MLXIP: variants seen among roughly 807,000 people sequenced by gnomAD.
The protein encoded by MLXIP is MLX-interacting protein.
MLXIP carries 30 observed loss-of-function variants against 87.2 expected under a neutral mutation model. The ratio of observed to expected loss-of-function variants is 0.34; its 90% CI spans 0.26 to 0.47. The LOEUF (loss-of-function observed/expected upper bound fraction) is 0.47. MLXIP is among the 20% of genes least tolerant of loss of function. MLXIP has a pLI of 1.00. For synonymous variants in MLXIP, 530 were observed against 514.0 expected (o/e 1.03, Z -0.42); for missense variants, 1,002 against 1,240.1 (o/e 0.81, Z 2.88).
At chr12:122,095,306 G>A (rs887610524) in intron 1 of MLXIP, among the ~76,000 whole-genome samples, 18 of 151,314 alleles carry the variant, frequency 1.2e-4, no homozygotes, top group African/African-American at 3.9e-4. Flanking sequence ...GTGGGGGGGT[G>A]TGTGTTTGCA....
chr12:122,116,290 T>A (rs970645358), intron 1 of MLXIP, among the ~76,000 whole-genome samples: 10 of 151,992 alleles, frequency 6.6e-5, no homozygotes, highest in South Asian at 4.2e-4. Context: ...AGTTTTTTTT[T>A]AATTTTATTA....
chr12:122,097,421 T>C (rs1409300561), intron 1 of MLXIP, among the ~76,000 whole-genome samples: 1 of 151,980 alleles, frequency 6.6e-6, no homozygotes, highest in African/African-American at 2.4e-5. Context: ...AGGAGTTCCA[T>C]ATCATCCTGG....
chr12:122,103,342 A>C (rs998377047), intron 1 of MLXIP, among the ~76,000 whole-genome samples: 2 of 151,160 alleles, frequency 1.3e-5, no homozygotes, highest in Non-Finnish European at 2.9e-5. Context: ...CTCTTGCTTC[A>C]ATCTCCTAAG....
At chr12:122,134,677 C>CTT (rs141853208) in intron 9 of MLXIP, 138 of 132,194 alleles carry the variant, frequency 1.0e-3, no homozygotes, top group East Asian at 3.1e-3. Context: ...TCTCTATTCT[C>CTT]TTTTTTTTTT....
rs188019370 is a variant in MLXIP, at chr12:122,084,979, C to T, written c.413+5713C>T. Among the ~76,000 whole-genome samples the T allele has an allele frequency of 3.2e-4, 48 of 152,150 alleles. 1 individual carries two copies. The highest frequency in any genetic ancestry group is 1.0e-3 in the African/African-American group (43 of 41,538). On this transcript the variant is annotated intron_variant, in intron 1 of 16. Transcript: ENST00000319080. Reference sequence around the variant, plus strand: ...CTCAGACGTTAATTAGCTGTGTTACCGAGAGGTTACACAACTTGTCCACGG... The same window carrying T: ...CTCAGACGTTAATTAGCTGTGTTACTGAGAGGTTACACAACTTGTCCACGG...
chr12:122,081,049 G>C (rs1019792736), intron 1 of MLXIP, among the ~76,000 whole-genome samples: 13 of 151,960 alleles, frequency 8.6e-5, no homozygotes, highest in Admixed American at 7.9e-4. Flanking sequence ...TAACCTAAAG[G>C]CTTATTAAAC....
chr12:122,117,626 G>C (rs181637521), intron 1 of MLXIP, among the ~76,000 whole-genome samples: 225 of 152,320 alleles, frequency 1.5e-3, no homozygotes, highest in African/African-American at 5.1e-3. Flanking sequence ...CAATTAACTA[G>C]AAGCCCTAGA....
Position 122,137,897 on chromosome 12 carries a change from G to T in MLXIP, c.2155-297G>T, listed in dbSNP as rs1329399776. Among the ~76,000 whole-genome samples the T allele has an allele frequency of 6.6e-6, 1 of 152,254 alleles. No individual in the cohort carries two copies. The highest frequency in any genetic ancestry group is 2.4e-5 in the African/African-American group (1 of 41,478). On this transcript the variant is annotated intron_variant, in intron 12 of 16. Coordinates refer to ENST00000319080, the MANE Select transcript of MLXIP (RefSeq NM_014938.6). The surrounding 1 kb of genome is among the most constrained non-coding windows in gnomAD (Gnocchi z 4.1). ...GTGTGGCCACCACCAGAGCTGTGCT[G>T]TGGGGAGGAGGCAGGGCTGGGTGGG...
At chr12:122,118,113 C>T (rs1952719940) in intron 1 of MLXIP, among the ~76,000 whole-genome samples, 1 of 152,186 alleles carries the variant, frequency 6.6e-6, no homozygotes, top group African/African-American at 2.4e-5. Context: ...TGGATCTGAT[C>T]ACTGAGATGG....
chr12:122,139,994 G>A (rs540654840), intron 15 of MLXIP, among the ~76,000 whole-genome samples: 1 of 152,170 alleles, frequency 6.6e-6, no homozygotes, highest in South Asian at 2.1e-4. Flanking sequence ...GTTTTTAATT[G>A]AAGAGATGAC....
chr12:122,129,159 A>G lies in MLXIP; in HGVS notation c.629A>G (p.Tyr210Cys). 1 of 1,611,028 alleles carries G rather than the reference A, an allele frequency of 6.2e-7. No homozygotes were observed. The highest frequency in any genetic ancestry group is 8.5e-7 in the Non-Finnish European group (1 of 1,178,720). Residue 210 changes from tyrosine (Y) to cysteine (C), a missense_variant, in exon 4 of 17, where the codon TAC becomes TGC. Transcript: ENST00000319080. ...RPEAITTEGK[Y>C]WKSRIEIVIR... ...TAGGCCATCACCACGGAAGGGAAGT[A>G]CTGGAAGAGCCGCATCGAGATTGTG...
chr12:122,093,486 G>A (rs1952282002), intron 1 of MLXIP, among the ~76,000 whole-genome samples: 1 of 140,354 alleles, frequency 7.1e-6, no homozygotes, highest in Non-Finnish European at 1.5e-5. Context: ...TTGGTGTGTG[G>A]TGTGTGTGTG....
intron 1 of MLXIP, among the ~76,000 whole-genome samples, chr12:122,097,166 A>G (rs1022743600): frequency 6.6e-6 from 1 of 151,994 alleles, no homozygotes; most frequent in Non-Finnish European, 1.5e-5. Context: ...GACTTTGGTT[A>G]TGGGTGTTTT....
intron 1 of MLXIP, among the ~76,000 whole-genome samples, chr12:122,113,027 G>A (rs980147835): frequency 6.6e-6 from 1 of 152,186 alleles, no homozygotes; most frequent in Non-Finnish European, 1.5e-5. Flanking sequence ...GTTTATCACA[G>A]CATTGTTTAT....
intron 1 of MLXIP, among the ~76,000 whole-genome samples, chr12:122,114,497 C>G (rs1473844791): frequency 2.0e-5 from 3 of 152,192 alleles, no homozygotes; most frequent in African/African-American, 7.2e-5. Context: ...CCTTTAGTTT[C>G]TAGCCCCGCC....
chr12:122,082,128 C>T (rs934344093), intron 1 of MLXIP, among the ~76,000 whole-genome samples: 3 of 152,086 alleles, frequency 2.0e-5, no homozygotes, highest in Non-Finnish European at 4.4e-5. Flanking sequence ...GGTCTTTGCC[C>T]GGGGCTGACT....
intron 1 of MLXIP, among the ~76,000 whole-genome samples, chr12:122,105,109 A>C (rs1952499889): frequency 6.6e-6 from 1 of 152,164 alleles, no homozygotes; most frequent in South Asian, 2.1e-4. Flanking sequence ...ATGGGCGATC[A>C]CATCAAAGGT....
Position 122,137,384 on chromosome 12 carries a change from C to T in MLXIP, c.2033-85C>T. The T allele has an allele frequency of 6.7e-7, 1 of 1,501,462 alleles. No individual in the cohort carries two copies. Among genetic ancestry groups the T allele is most frequent in the East Asian group, 2.3e-5 (1 of 42,870 alleles). The allele number at this position is 1,501,462 out of a possible 1,614,324, so 93.0% of individuals were successfully genotyped here. On this transcript the variant is annotated intron_variant, in intron 11 of 16. Coordinates refer to ENST00000319080, the MANE Select transcript of MLXIP (RefSeq NM_014938.6). This position sits in a 1 kb window ranked among gnomAD's most constrained non-coding sequence, Gnocchi z 4.1. ...AATACGTGGCTAGCAGCGAGCACCT[C>T]ATAACCCTGCAGAGACCCCAGGCTG...
chr12:122,101,888 A>G (rs1952444468), intron 1 of MLXIP, among the ~76,000 whole-genome samples: 1 of 152,160 alleles, frequency 6.6e-6, no homozygotes, highest in African/African-American at 2.4e-5. Context: ...CTTCTCTTCA[A>G]GAAGTTTTAT....
Sources: allele counts gnomAD v4.1 joint callset (sites outside exome capture counted in the v4.1 genomes callset), GRCh38; gene constraint gnomAD v4.1.1; non-coding constraint Gnocchi (gnomAD v3.1); transcripts MANE v1.5; gene names NCBI Gene and HGNC (gene_info 2026-07-23, HGNC 2026-07-21).